The following DLGAP2 variants were observed in gnomAD, a reference collection of about 807,000 sequenced individuals.
DLGAP2 encodes the protein DLG associated protein 2.
Under a neutral mutation model 100.3 loss-of-function variants are expected in DLGAP2, and 26 were observed. The observed-to-expected ratio is 0.26, with a 90% CI of 0.19 to 0.36. The LOEUF is 0.36. DLGAP2 is among the 10% of genes least tolerant of loss of function. The probability of loss-of-function intolerance (pLI) is 1.00; values close to 1 mark genes in which losing one functional copy is unlikely to be tolerated. For synonymous variants in DLGAP2, 886 were observed against 630.1 expected (o/e 1.41, Z -6.08); for missense variants, 1,858 against 1,453.2 (o/e 1.28, Z -4.53).
chr8:828,854 G>A (rs544559097), intron 1 of DLGAP2, among the ~76,000 whole-genome samples: 10 of 152,296 alleles, frequency 6.6e-5, no homozygotes, highest in East Asian at 5.8e-4. Flanking sequence ...CGGTCCCTCC[G>A]TTTGGGGTCC....
At chr8:1,275,827 A>T (rs1185550822) in intron 3 of DLGAP2, among the ~76,000 whole-genome samples, 1 of 44,604 alleles carries the variant, frequency 2.2e-5, no homozygotes, top group Non-Finnish European at 4.5e-5. Context: ...AATATATAAA[A>T]ATAAATATAT....
intron 2 of DLGAP2, among the ~76,000 whole-genome samples, chr8:986,149 A>C (rs569588708): frequency 1.1e-4 from 17 of 152,076 alleles, no homozygotes; most frequent in African/African-American, 3.6e-4. Context: ...TAGCTCACTT[A>C]TTAGTAGGGA....
intron 2 of DLGAP2, among the ~76,000 whole-genome samples, chr8:977,306 G>C (rs1000715954): frequency 8.5e-5 from 13 of 152,202 alleles, no homozygotes; most frequent in Admixed American, 3.3e-4. Flanking sequence ...TCTCCCTGAA[G>C]AGCACCTCCC....
intron 8 of DLGAP2, among the ~76,000 whole-genome samples, chr8:1,636,430 A>T (rs924963674): frequency 6.6e-6 from 1 of 152,204 alleles, no homozygotes; most frequent in Admixed American, 6.5e-5. Flanking sequence ...TCCAAGATAC[A>T]TACTTGCCAA....
chr8:926,029 G>C (rs565996065), intron 2 of DLGAP2, among the ~76,000 whole-genome samples: 11 of 152,162 alleles, frequency 7.2e-5, no homozygotes, highest in African/African-American at 2.7e-4. Context: ...GCCGCTCGGG[G>C]GCACAGAGCA....
chr8:1,412,021 T>C (rs1796745290), intron 3 of DLGAP2, among the ~76,000 whole-genome samples: 2 of 152,176 alleles, frequency 1.3e-5, no homozygotes, highest in South Asian at 2.1e-4. Flanking sequence ...GGGCAGGTGA[T>C]CTCCTGCTAG....
At chr8:1,269,641 C>T (rs1799539564) in intron 3 of DLGAP2, among the ~76,000 whole-genome samples, 1 of 152,062 alleles carries the variant, frequency 6.6e-6, no homozygotes, top group African/African-American at 2.4e-5. Flanking sequence ...GTCTGCAGCA[C>T]CCACCTTTGT....
chr8:1,378,892 T>A (rs982796004), intron 3 of DLGAP2, among the ~76,000 whole-genome samples: 6 of 152,222 alleles, frequency 3.9e-5, no homozygotes, highest in Non-Finnish European at 1.5e-5. Flanking sequence ...TCAACACTCA[T>A]GCTTCCCTGT....
At chr8:919,438 C>T (rs1387925417) in intron 2 of DLGAP2, among the ~76,000 whole-genome samples, 1 of 152,084 alleles carries the variant, frequency 6.6e-6, no homozygotes, top group African/African-American at 2.4e-5. Context: ...CTGGTGGAGT[C>T]TGTGAGTCCC....
At chr8:1,617,748 G>A (rs529288236) in intron 6 of DLGAP2, among the ~76,000 whole-genome samples, 13 of 152,200 alleles carry the variant, frequency 8.5e-5, no homozygotes, top group South Asian at 4.1e-4. Context: ...AATGGACAGC[G>A]CACCTCTAGA....
chr8:1,603,141 A>G (rs957816841), intron 6 of DLGAP2, among the ~76,000 whole-genome samples: 1 of 150,706 alleles, frequency 6.6e-6, no homozygotes, highest in South Asian at 2.1e-4. Flanking sequence ...CAGGCTGGTT[A>G]GAGTGGAGGC....
intron 3 of DLGAP2, chr8:1,297,356 C>G (rs1344598847): frequency 2.6e-5 from 4 of 152,352 alleles, no homozygotes; most frequent in Non-Finnish European, 4.4e-5. Context: ...GGCCATCTCT[C>G]TAAGAACCAG....
intron 1 of DLGAP2, among the ~76,000 whole-genome samples, chr8:887,663 T>C (rs1031348350): frequency 1.3e-5 from 2 of 152,232 alleles, no homozygotes; most frequent in Non-Finnish European, 2.9e-5. Context: ...AAATTCTGGA[T>C]TGAAAATTCC....
intron 2 of DLGAP2, among the ~76,000 whole-genome samples, chr8:1,104,193 A>G (rs1804678857): frequency 6.6e-6 from 1 of 152,190 alleles, no homozygotes; most frequent in Non-Finnish European, 1.5e-5. Flanking sequence ...AACAGCATCC[A>G]GCCCCGGCCA....
intron 2 of DLGAP2, among the ~76,000 whole-genome samples, chr8:971,666 G>A (rs1003662859): frequency 3.3e-5 from 5 of 152,174 alleles, no homozygotes; most frequent in African/African-American, 7.2e-5. Flanking sequence ...AAAAATACCC[G>A]CATACTTCTG....
chr8:1,577,436 C>T (rs1362747117), intron 6 of DLGAP2, among the ~76,000 whole-genome samples: 1 of 151,822 alleles, frequency 6.6e-6, no homozygotes, highest in Non-Finnish European at 1.5e-5. Context: ...GGTGTAGTGG[C>T]ACATGCCTGT....
At chr8:1,491,442 A>G (rs1474078101) in intron 3 of DLGAP2, among the ~76,000 whole-genome samples, 1 of 87,228 alleles carries the variant, frequency 1.1e-5, no homozygotes, top group Non-Finnish European at 2.6e-5. Context: ...GCTGTTTCAG[A>G]AAGTGAGCAC....
chr8:1,019,792 G>A (rs1563147836), intron 2 of DLGAP2: 1 of 152,210 alleles, frequency 6.6e-6, no homozygotes, highest in Non-Finnish European at 1.5e-5. Context: ...GTCAGACTGG[G>A]GGATTCAGGT....
At chr8:1,610,377 G>A (rs1360125104) in intron 6 of DLGAP2, among the ~76,000 whole-genome samples, 63 of 151,484 alleles carry the variant, frequency 4.2e-4, no homozygotes, top group Middle Eastern at 3.4e-3. Flanking sequence ...TCTCTGGGAC[G>A]CATTCAAAGC....
Sources: allele counts gnomAD v4.1 joint callset (sites outside exome capture counted in the v4.1 genomes callset), GRCh38; gene constraint gnomAD v4.1.1; transcripts MANE v1.5; gene names NCBI Gene and HGNC (gene_info 2026-07-23, HGNC 2026-07-21).